The following BRSK2 variants were observed in gnomAD, a reference collection of about 807,000 sequenced individuals.
BRSK2 encodes serine/threonine-protein kinase BRSK2.
In BRSK2, 19 loss-of-function variants were observed where a neutral mutation model predicts 83.3. That is an observed-to-expected ratio of 0.23 (90% CI 0.16 to 0.33). The LOEUF is 0.33. BRSK2 is among the 10% of genes least tolerant of loss of function. The pLI, the probability that BRSK2 is intolerant of heterozygous loss-of-function variation, is 1.00. For missense variants in BRSK2, 798 were observed against 1,042.3 expected (o/e 0.77, Z 3.23); for synonymous variants, 519 against 435.4 (o/e 1.19, Z -2.39).
chr11:1,448,007 A>T, intron 12 of BRSK2: 1 of 856,466 alleles, frequency 1.2e-6, no homozygotes, highest in Non-Finnish European at 1.8e-6. Flanking sequence ...CAAGCCAGGC[A>T]AGGGCCCGCG....
intron 1 of BRSK2, among the ~76,000 whole-genome samples, chr11:1,416,952 C>A (rs967987525): frequency 2.0e-5 from 3 of 152,168 alleles, no homozygotes; most frequent in East Asian, 1.9e-4. Context: ...CGAGGTCAGG[C>A]GTTCGAGACC....
rs755645741 is a variant in BRSK2 at position 1,445,306 on chromosome 11, T to C, written c.825T>C (p.Asn275=). ...CCTGTGTCCACAGAGGGGGCAAGAA[T>C]GAGCCCGAACCAGAGCAGCCCATTC... ...QKHIWYIGGK[N]EPEPEQPIPR... The change falls in exon 10 of 20, where the codon AAT becomes AAC. Residue 275 remains asparagine, a synonymous_variant. Transcript: ENST00000528841. 2.5e-6 allele frequency: 4 copies of C among 1,609,108 alleles called. No individual in the cohort carries two copies. Among genetic ancestry groups the C allele is most frequent in the Non-Finnish European group, 3.4e-6 (4 of 1,177,996 alleles).
chr11:1,443,119 G>A lies in BRSK2; in HGVS notation c.544G>A (p.Ala182Thr). Residue 182 changes from alanine to threonine, a missense_variant, in exon 6 of 20, where the codon GCC becomes ACC. Coordinates refer to ENST00000528841, the MANE Select transcript of BRSK2 (RefSeq NM_001256627.2). ...LETSCGSPHY[A>T]CPEVIRGEKY... The stretch of plus-strand genomic sequence containing the variant: ...CCTTGCCCGCAGGTCCCCCCACTAC[G>A]CCTGCCCCGAGGTGATCCGGGTGAG... The A allele has an allele frequency of 1.3e-6, 2 of 1,535,824 alleles. No individual in the cohort carries two copies. Among genetic ancestry groups the A allele is most frequent in the Non-Finnish European group, 1.7e-6 (2 of 1,146,174 alleles).
At chr11:1,426,114 G>A (rs372205832) in intron 1 of BRSK2, among the ~76,000 whole-genome samples, 46 of 152,376 alleles carry the variant, frequency 3.0e-4, no homozygotes, top group African/African-American at 9.6e-4. Flanking sequence ...AGCACACACC[G>A]GTCCCTGTGG....
At position 1,450,988 on chromosome 11, in the gene BRSK2, C is replaced by T. The variant is rs182839916; in HGVS notation, c.1495+194C>T. ...TCCTACCTGTCGCACAGGCTGGTAT[C>T]CCCTCCAGACATTCTGTGTTCCTGA... is the stretch of plus-strand genomic sequence containing the variant. On this transcript the variant is annotated intron_variant, in intron 14 of 19. Transcript: ENST00000528841. Among the ~76,000 whole-genome samples, 773 of 152,338 alleles carry T rather than the reference C, an allele frequency of 5.1e-3. 1 individual carries two copies. Among genetic ancestry groups the T allele is most frequent in the Non-Finnish European group, 8.5e-3 (577 of 68,022 alleles).
At chr11:1,444,774 G>A (rs1025323317) in intron 8 of BRSK2, among the ~76,000 whole-genome samples, 197 bp from the exon 9 acceptor site, 5 of 151,804 alleles carry the variant, frequency 3.3e-5, no homozygotes, top group Admixed American at 6.6e-5. Context: ...GGAGAGGCAG[G>A]AGCAGGGGTG....
intron 1 of BRSK2, among the ~76,000 whole-genome samples, chr11:1,416,355 G>A (rs973194754): frequency 1.7e-4 from 26 of 152,236 alleles, no homozygotes; most frequent in African/African-American, 5.3e-4. Flanking sequence ...TGTCACGTCC[G>A]CAAAATCCGC....
Position 1,423,531 on chromosome 11 carries a change from G to T in BRSK2, c.92-12509G>T, listed in dbSNP as rs1848837332. Reference sequence around the variant, plus strand: ...CCCACAGTCGTGTGAGCAGAGGACGGCACTCGCGAGCTCCCTGGGGCTCCT... The same window carrying T: ...CCCACAGTCGTGTGAGCAGAGGACGTCACTCGCGAGCTCCCTGGGGCTCCT... On this transcript the variant is annotated intron_variant, in intron 1 of 19. Transcript: ENST00000528841. This position sits in a 1 kb window ranked among gnomAD's most constrained non-coding sequence, Gnocchi z 6.5. 1.3e-5 allele frequency among the ~76,000 whole-genome samples: 2 copies of T among 152,098 alleles called. No homozygotes were observed. The highest frequency in any genetic ancestry group is 4.1e-4 in the South Asian group (2 of 4,832).
intron 1 of BRSK2, among the ~76,000 whole-genome samples, chr11:1,398,887 C>G (rs1474231548): frequency 6.6e-6 from 1 of 152,196 alleles, no homozygotes; most frequent in Non-Finnish European, 1.5e-5. Context: ...CTGGAGCCCC[C>G]CCAGCCCCTC....
Position 1,390,357 on chromosome 11 carries a change from C to A in BRSK2, c.73C>A (p.Leu25Met). The change falls in exon 1 of 20, where the codon CTG becomes ATG. Residue 25 changes from leucine to methionine, a missense_variant. Coordinates refer to ENST00000528841, the MANE Select transcript of BRSK2 (RefSeq NM_001256627.2). The surrounding 1 kb of genome is among the most constrained non-coding windows in gnomAD (Gnocchi z 6.8). ...YVGPYRLEKT[L>M]GKGQTGLVKL... ...TGGGCCCTACCGGCTGGAGAAGACG[C>A]TGGGCAAGGGGCAGACAGGTGCGTG... is the stretch of plus-strand genomic sequence containing the variant. The A allele has an allele frequency of 9.7e-7, 1 of 1,033,464 alleles. No homozygotes were observed. Among genetic ancestry groups the A allele is most frequent in the South Asian group, 4.3e-5 (1 of 23,016 alleles). The allele number at this position is 1,033,464 out of a possible 1,614,324, so 64.0% of individuals were successfully genotyped here.
chr11:1,429,277 G>C (rs1168579961), intron 1 of BRSK2, among the ~76,000 whole-genome samples: 1 of 109,204 alleles, frequency 9.2e-6, no homozygotes, highest in Non-Finnish European at 1.7e-5. Context: ...GTGCACTCGT[G>C]TGGGTGTGTG....
rs375371338 is a variant in BRSK2 at position 1,396,997 on chromosome 11, G to A, written c.91+6622G>A. On this transcript the variant is annotated intron_variant, in intron 1 of 19. Coordinates refer to ENST00000528841, the MANE Select transcript of BRSK2 (RefSeq NM_001256627.2). ...CCAATGGCTGGAAACACCGTACCGC[G>A]CAGGAGGACGGCAGACCAGCATCTG... 1.6e-4 allele frequency among the ~76,000 whole-genome samples: 25 copies of A among 152,350 alleles called. No individual in the cohort carries two copies. In the East Asian group the frequency reaches 2.7e-3, roughly 16 times the overall value.
chr11:1,456,549 C>A (rs546298182), intron 17 of BRSK2, 21 bp downstream of exon 17: 1 of 1,596,546 alleles, frequency 6.3e-7, no homozygotes, highest in Non-Finnish European at 8.5e-7. Flanking sequence ...GCCCCCAGGG[C>A]GGCTCCGGGC....
chr11:1,410,384 G>C (rs1274128082), intron 1 of BRSK2: 1 of 947,112 alleles, frequency 1.1e-6, no homozygotes, highest in Non-Finnish European at 1.3e-6. Context: ...CGCAGAGTCC[G>C]TGTTTGGGGG....
In BRSK2 at chr11:1,460,912, C is replaced by A. The variant is rs369832681; in HGVS notation, c.*189C>A. ...GCCACCCGCGCCCGCTCTCTTTTCT[C>A]TCTGTCTCTGCCTCTGCCTGTCTCT... is the stretch of plus-strand genomic sequence containing the variant. On this transcript the variant is annotated 3_prime_UTR_variant, in exon 20 of 20. Transcript: ENST00000528841. 2.5e-6 allele frequency: 4 copies of A among 1,608,898 alleles called. No homozygotes were observed. The highest frequency in any genetic ancestry group is 3.4e-6 in the Non-Finnish European group (4 of 1,177,412).
chr11:1,438,941 C>T lies in BRSK2; in HGVS notation c.272+550C>T, dbSNP rs936385659. Among the ~76,000 whole-genome samples, 27 of 152,200 alleles carry T rather than the reference C, an allele frequency of 1.8e-4. No homozygotes were observed. Among genetic ancestry groups the T allele is most frequent in the African/African-American group, 5.5e-4 (23 of 41,456 alleles). On this transcript the variant is annotated intron_variant, in intron 3 of 19. Transcript: ENST00000528841. This position sits in a 1 kb window ranked among gnomAD's most constrained non-coding sequence, Gnocchi z 6.4. ...ATGCCTGGCTGTGAACCCCATCCCCCCAGACCCAGCCTCAGGGAGCTCCTG... is the reference window on the plus strand; with the variant it reads ...ATGCCTGGCTGTGAACCCCATCCCCTCAGACCCAGCCTCAGGGAGCTCCTG...
At chr11:1,405,831 G>A (rs1369263863) in intron 1 of BRSK2, among the ~76,000 whole-genome samples, 1 of 152,116 alleles carries the variant, frequency 6.6e-6, no homozygotes, top group Admixed American at 6.5e-5. Context: ...CTGCGTGGCA[G>A]TGACCCCATC....
intron 1 of BRSK2, among the ~76,000 whole-genome samples, chr11:1,392,586 G>C (rs10833086): frequency 6.6e-6 from 1 of 151,988 alleles, no homozygotes; most frequent in Non-Finnish European, 1.5e-5. Flanking sequence ...CCTTCCACCC[G>C]GCTGACCCAA....
chr11:1,440,656 C>G (rs938450782), intron 3 of BRSK2, 132 bp from the exon 4 acceptor site: 27 of 1,217,884 alleles, frequency 2.2e-5, no homozygotes, highest in East Asian at 2.1e-4. Flanking sequence ...TCTCAGCTGC[C>G]CCCCCAGCCA....
Sources: gnomAD v4.1 joint callset for allele counts (sites outside exome capture counted in the v4.1 genomes callset) on GRCh38, gnomAD v4.1.1 for gene constraint, Gnocchi (gnomAD v3.1) non-coding constraint, MANE v1.5 for transcripts, NCBI Gene and HGNC (gene_info 2026-07-23, HGNC 2026-07-21) for gene names.